KIAA1958: variants seen among roughly 807,000 people sequenced by gnomAD.
KIAA1958 encodes uncharacterized protein KIAA1958.
Under a neutral mutation model 47.2 loss-of-function variants are expected in KIAA1958, and 14 were observed. The ratio of observed to expected loss-of-function variants is 0.30; its 90% CI spans 0.20 to 0.46. The LOEUF is 0.46. Ranked by LOEUF, KIAA1958 falls within the 20% of genes least tolerant of loss-of-function variation. The probability of loss-of-function intolerance (pLI) is 1.00; values close to 1 mark genes in which losing one functional copy is unlikely to be tolerated. For missense variants in KIAA1958, 803 were observed against 909.2 expected, an observed-to-expected ratio of 0.88 and a Z score of 1.50; for synonymous variants, 354 against 353.3, an observed-to-expected ratio of 1.00 and a Z score of -0.02.
At chr9:112,622,998 T>G (rs1327596494) in intron 2 of KIAA1958, among the ~76,000 whole-genome samples, 1 of 152,220 alleles carries the variant, frequency 6.6e-6, no homozygotes. Context: ...GCTAATACTA[T>G]TTTGCATAGT....
intron 2 of KIAA1958, among the ~76,000 whole-genome samples, chr9:112,642,347 G>A (rs1836904512): frequency 6.6e-6 from 1 of 152,240 alleles, no homozygotes; most frequent in South Asian, 2.1e-4. Flanking sequence ...GGTGTTATTT[G>A]AGAGATGGCA....
At chr9:112,622,140 G>C (rs1156912813) in intron 2 of KIAA1958, among the ~76,000 whole-genome samples, 1 of 152,170 alleles carries the variant, frequency 6.6e-6, no homozygotes, top group Non-Finnish European at 1.5e-5. Flanking sequence ...ATTAACTTAA[G>C]AAAAAATCAT....
At chr9:112,537,647 G>T (rs183209278) in intron 1 of KIAA1958, among the ~76,000 whole-genome samples, 7 of 152,178 alleles carry the variant, frequency 4.6e-5, no homozygotes, top group African/African-American at 1.7e-4. Context: ...TGATATGCAA[G>T]GTTGACAAAG....
At chr9:112,616,016 A>G (rs374036776) in intron 2 of KIAA1958, among the ~76,000 whole-genome samples, 13 of 152,358 alleles carry the variant, frequency 8.5e-5, no homozygotes, top group African/African-American at 3.1e-4. Flanking sequence ...GCTGTGATAG[A>G]TATTTGAACA....
intron 1 of KIAA1958, among the ~76,000 whole-genome samples, chr9:112,568,398 A>G (rs968975431): frequency 6.6e-6 from 1 of 152,222 alleles, no homozygotes; most frequent in Non-Finnish European, 1.5e-5. Context: ...TTCATTTATT[A>G]AGGACATTTC....
intron 1 of KIAA1958, among the ~76,000 whole-genome samples, chr9:112,570,815 T>C (rs886079564): frequency 5.9e-5 from 9 of 152,206 alleles, no homozygotes; most frequent in African/African-American, 2.2e-4. Flanking sequence ...GGCTGTCTGC[T>C]AGCTGGAAAC....
At chr9:112,487,490 TGGGAAGGAGGGC>T (rs1288413746) in intron 1 of KIAA1958, among the ~76,000 whole-genome samples, 7 of 151,608 alleles carry the variant, frequency 4.6e-5, no homozygotes, top group Admixed American at 2.0e-4. Context: ...CTGTCGGAGG[TGGGAAGGAGGGC>T]GGGAAGGAGG....
rs949319682 is a variant in KIAA1958 at position 112,665,611 on chromosome 9, C to A, written c.*5542C>A. The A allele has an allele frequency of 2.6e-5, 4 of 152,166 alleles. No individual in the cohort carries two copies. The highest frequency in any genetic ancestry group is 6.5e-5 in the Admixed American group (1 of 15,272). 9.4% of individuals were successfully genotyped at this position (152,166 alleles called of 1,614,324 possible). A position where few individuals can be genotyped will look rare whatever the true frequency, so the allele number is the denominator to read the frequency against. On this transcript the variant is annotated 3_prime_UTR_variant, in exon 4 of 4. Transcript: ENST00000337530. ...GTTTTGGTTTGTTTGGCAAATATTT[C>A]ATCTCTCAAGCCATACTGTGTCACC...
At chr9:112,637,562 G>C (rs1194525076) in intron 2 of KIAA1958, among the ~76,000 whole-genome samples, 2 of 151,898 alleles carry the variant, frequency 1.3e-5, no homozygotes, top group Admixed American at 6.6e-5. Context: ...ATTTTTAGTA[G>C]AGATGGCTGT....
At chr9:112,580,964 G>A (rs764601814) in intron 2 of KIAA1958, among the ~76,000 whole-genome samples, 102 of 152,186 alleles carry the variant, frequency 6.7e-4, no homozygotes, top group Non-Finnish European at 1.2e-3. Context: ...ATCACAAACC[G>A]GGTACACATC....
chr9:112,613,014 G>C (rs1221099786), intron 2 of KIAA1958, among the ~76,000 whole-genome samples: 1 of 152,130 alleles, frequency 6.6e-6, no homozygotes, highest in Admixed American at 6.6e-5. Flanking sequence ...GTATAGAATA[G>C]GATGTATAGT....
chr9:112,578,370 G>A (rs954333704), intron 2 of KIAA1958, among the ~76,000 whole-genome samples: 7 of 152,138 alleles, frequency 4.6e-5, no homozygotes, highest in South Asian at 2.1e-4. Context: ...TATGTAAAGC[G>A]TACTTGGGAC....
At chr9:112,529,677 G>A (rs1231093113) in intron 1 of KIAA1958, among the ~76,000 whole-genome samples, 3 of 152,102 alleles carry the variant, frequency 2.0e-5, no homozygotes, top group East Asian at 3.9e-4. Flanking sequence ...TCATATCAAT[G>A]CTACATGCTA....
intron 3 of KIAA1958, among the ~76,000 whole-genome samples, chr9:112,654,555 T>C (rs1837116843): frequency 6.6e-6 from 1 of 152,132 alleles, no homozygotes; most frequent in Admixed American, 6.6e-5. Flanking sequence ...CTGATGGCCT[T>C]GGAGTCCGCT....
At chr9:112,645,894 CA>C in intron 3 of KIAA1958, 72 bp downstream of exon 3, 1 of 1,355,608 alleles carries the variant, frequency 7.4e-7, no homozygotes, top group Admixed American at 2.2e-5. Context: ...CTGTGCTAAG[CA>C]TTGTAGGGAA....
chr9:112,565,406 A>G (rs1835411685), intron 1 of KIAA1958, among the ~76,000 whole-genome samples: 1 of 152,046 alleles, frequency 6.6e-6, no homozygotes, highest in Admixed American at 6.6e-5. Context: ...ACCTGGCCTG[A>G]ATTTCAGTTT....
intron 2 of KIAA1958, among the ~76,000 whole-genome samples, chr9:112,640,715 T>A (rs1360069395): frequency 6.6e-6 from 1 of 152,220 alleles, no homozygotes. Flanking sequence ...CTGTAATTTT[T>A]GCTTCTTGAG....
chr9:112,630,824 A>G (rs548015427), intron 2 of KIAA1958, among the ~76,000 whole-genome samples: 110 of 152,344 alleles, frequency 7.2e-4, no homozygotes, highest in African/African-American at 2.6e-3. Context: ...CTTTACTCAC[A>G]GTTGAATATT....
intron 1 of KIAA1958, among the ~76,000 whole-genome samples, chr9:112,573,364 C>G (rs1484285221): frequency 2.6e-5 from 4 of 152,162 alleles, no homozygotes; most frequent in Non-Finnish European, 5.9e-5. Context: ...GTGGTTAGAG[C>G]AGGGCCTCCC....
Sources: allele counts gnomAD v4.1 joint callset (sites outside exome capture counted in the v4.1 genomes callset), GRCh38; gene constraint gnomAD v4.1.1; transcripts MANE v1.5; gene names NCBI Gene and HGNC (gene_info 2026-07-23, HGNC 2026-07-21).